The following PAPOLG variants were observed in gnomAD, a reference collection of about 807,000 sequenced individuals.
PAPOLG encodes PAP-gamma.
Under a neutral mutation model 99.0 loss-of-function variants are expected in PAPOLG, and 40 were observed. The observed-to-expected ratio is 0.40, with a 90% CI of 0.31 to 0.53. The LOEUF is 0.53. Ranked by LOEUF, PAPOLG falls within the 20% of genes least tolerant of loss-of-function variation. The probability of loss-of-function intolerance (pLI) is 0.41; values close to 1 mark genes in which losing one functional copy is unlikely to be tolerated. For missense variants in PAPOLG, 675 were observed against 884.1 expected (o/e 0.76, Z 3.00); for synonymous variants, 310 against 299.3 (o/e 1.04, Z -0.37).
Position 60,783,227 on chromosome 2 carries a change from A to G in PAPOLG, c.1166+18A>G, listed in dbSNP as rs779475434. 1 of 1,496,804 alleles carries G rather than the reference A, an allele frequency of 6.7e-7. No homozygotes were observed. The highest frequency in any genetic ancestry group is 2.4e-5 in the East Asian group (1 of 42,372). 92.7% of individuals were successfully genotyped at this position (1,496,804 alleles called of 1,614,324 possible). ...CTAGAGTGGTAAGACTTCTATTTCA[A>G]GTTTTCTACCTACTGTGTGGTGATA... is the stretch of plus-strand genomic sequence containing the variant. On this transcript the variant is annotated intron_variant, in intron 13 of 21. Coordinates refer to ENST00000238714, the MANE Select transcript of PAPOLG (RefSeq NM_022894.4).
chr2:60,793,872 C>T, intron 18 of PAPOLG, 99 bp from the exon 19 acceptor site: 1 of 1,429,454 alleles, frequency 7.0e-7, no homozygotes, highest in South Asian at 1.3e-5. Flanking sequence ...GATCAAGCCA[C>T]TGCACTGCAG....
intron 15 of PAPOLG, among the ~76,000 whole-genome samples, chr2:60,789,852 G>T (rs1483552357): frequency 1.3e-5 from 2 of 152,196 alleles, no homozygotes; most frequent in South Asian, 4.1e-4. Flanking sequence ...CACTTTGGGA[G>T]GCCAAGGCGG....
rs1015898104 is a variant in PAPOLG at position 60,756,283 on chromosome 2, G to C, written c.-196G>C. On this transcript the variant is annotated 5_prime_UTR_variant, in exon 1 of 22. Coordinates refer to ENST00000238714, the MANE Select transcript of PAPOLG (RefSeq NM_022894.4). The stretch of plus-strand genomic sequence containing the variant: ...GCGGCGCCATATTGGCGTCGGCCGC[G>C]CTGTATTGTCATAAATAGAGCCGGT... The C allele has an allele frequency of 3.1e-6, 2 of 649,516 alleles. No individual in the cohort carries two copies. The highest frequency in any genetic ancestry group is 5.4e-6 in the Non-Finnish European group (2 of 367,780). 40.2% of individuals were successfully genotyped at this position (649,516 alleles called of 1,614,324 possible).
intron 21 of PAPOLG, chr2:60,795,277 T>C (rs1413971899): frequency 1.7e-6 from 1 of 597,216 alleles, no homozygotes; most frequent in Non-Finnish European, 3.1e-6. Context: ...CCCTTTGTTT[T>C]TTATCTTTAA....
intron 21 of PAPOLG, among the ~76,000 whole-genome samples, chr2:60,795,811 G>A (rs1324271085): frequency 1.3e-5 from 2 of 152,090 alleles, no homozygotes; most frequent in African/African-American, 4.8e-5. Context: ...CAGGCTATTA[G>A]TTGTAGATTT....
At chr2:60,771,022 T>C (rs904854332) in intron 6 of PAPOLG, among the ~76,000 whole-genome samples, 10 of 152,142 alleles carry the variant, frequency 6.6e-5, no homozygotes, top group African/African-American at 1.4e-4. Context: ...TTCCTAGATA[T>C]GACATTTTTA....
intron 7 of PAPOLG, among the ~76,000 whole-genome samples, chr2:60,773,845 T>C (rs1670930562): frequency 6.6e-6 from 1 of 152,250 alleles, no homozygotes; most frequent in African/African-American, 2.4e-5. Context: ...ACAAATTTTG[T>C]CATTTGTTTT....
chr2:60,795,371 A>C, intron 21 of PAPOLG: 1 of 449,776 alleles, frequency 2.2e-6, no homozygotes, highest in Non-Finnish European at 4.3e-6. Context: ...CTTACTGCCA[A>C]AACATAGGTT....
Position 60,792,251 on chromosome 2 carries a change from G to A in PAPOLG, c.1641G>A (p.Ala547=), listed in dbSNP as rs72883805. The A allele has an allele frequency of 2.0e-3, 3,179 of 1,608,988 alleles. 74 individuals are homozygous for A. The African/African-American group carries it at 0.036, about 18-fold the overall frequency. The change falls in exon 17 of 22, where the codon GCG becomes GCA. Residue 547 remains alanine (A), a synonymous_variant. Coordinates refer to ENST00000238714, the MANE Select transcript of PAPOLG (RefSeq NM_022894.4). ...ATGGAACACCTTTTAATTCTCCAGC[G>A]TCCAAGTCTGATAGCCCTTCTGTAG... ...TDNGTPFNSP[A]SKSDSPSVGE...
rs554086118 is a variant in PAPOLG at position 60,768,996 on chromosome 2, G to A, written c.438+106G>A. The A allele has an allele frequency of 4.8e-6, 4 of 827,416 alleles. No individual in the cohort carries two copies. In the South Asian group the frequency reaches 8.5e-5, roughly 18 times the overall value. The allele number at this position is 827,416 out of a possible 1,614,324, so 51.3% of individuals were successfully genotyped here. ...AATACCTTCTAAGTTACTATTAGGA[G>A]GTATTTAATAAGAGTAGCTTTAATA... On this transcript the variant is annotated intron_variant, in intron 5 of 21. Transcript: ENST00000238714.
rs1248261316 is a variant in PAPOLG, at chr2:60,793,956, T to C, written c.1769-15T>C. On this transcript the variant is annotated splice_polypyrimidine_tract_variant and intron_variant, in intron 18 of 21. Transcript: ENST00000238714. ...ATAAATGTTTAATTATTAAAATCCT[T>C]TTTTTCCTTTTCAGAAGTTGACTCT... The C allele has an allele frequency of 6.3e-7, 1 of 1,595,730 alleles. No homozygotes were observed. The highest frequency in any genetic ancestry group is 8.5e-7 in the Non-Finnish European group (1 of 1,169,874).
chr2:60,790,931 A>C (rs572556545), intron 15 of PAPOLG, among the ~76,000 whole-genome samples: 57 of 152,204 alleles, frequency 3.7e-4, no homozygotes, highest in African/African-American at 1.4e-3. Context: ...TCTACAAAAA[A>C]TCCAAAAAGT....
chr2:60,800,760 T>C lies in PAPOLG; in HGVS notation c.*3600T>C, dbSNP rs1573267002. On this transcript the variant is annotated 3_prime_UTR_variant, in exon 22 of 22. Coordinates refer to ENST00000238714, the MANE Select transcript of PAPOLG (RefSeq NM_022894.4). ...TTTTTCTTGGGGAAAGTGCATAGTT[T>C]AGATCAGCTTCTCGAAGTGGCAAAA... 6.6e-6 allele frequency: 1 copy of C among 152,242 alleles called. No individual in the cohort carries two copies. The highest frequency in any genetic ancestry group is 2.1e-4 in the South Asian group (1 of 4,834). The allele number at this position is 152,242 out of a possible 1,614,324, so 9.4% of individuals were successfully genotyped here.
At chr2:60,783,324 CT>C (rs72172236) in intron 13 of PAPOLG, 115 bp downstream of exon 13, 4,561 of 157,686 alleles carry the variant, frequency 0.029, no homozygotes, top group East Asian at 0.053. Context: ...TATTATATCT[CT>C]TTTTTTTTTT....
In PAPOLG at chr2:60,792,211, C is replaced by T. The variant is rs777875889; in HGVS notation, c.1601C>T (p.Ser534Phe). Reference protein sequence around the residue: ...LSLDSSCLDSSRDTDNGTPFN... With the variant: ...LSLDSSCLDSFRDTDNGTPFN... Reference sequence around the variant, plus strand: ...CTGGATAGCAGTTGTCTGGATAGCTCCAGAGACACTGATAATGGAACACCT... The same window carrying T: ...CTGGATAGCAGTTGTCTGGATAGCTTCAGAGACACTGATAATGGAACACCT... Residue 534 changes from serine to phenylalanine, a missense_variant, in exon 17 of 22, where the codon TCC (serine) becomes TTC (phenylalanine). Transcript: ENST00000238714. The T allele has an allele frequency of 9.9e-6, 16 of 1,609,686 alleles. No individual in the cohort carries two copies. In the South Asian group the frequency reaches 1.0e-4, roughly 10 times the overall value.
At chr2:60,772,211 A>G (rs1171114897) in intron 7 of PAPOLG, among the ~76,000 whole-genome samples, 4 of 152,194 alleles carry the variant, frequency 2.6e-5, no homozygotes, top group African/African-American at 9.6e-5. Context: ...TGGGAGGCCA[A>G]GGTGAATGGA....
At chr2:60,776,846 C>T (rs1166645354) in intron 8 of PAPOLG, among the ~76,000 whole-genome samples, 1 of 152,180 alleles carries the variant, frequency 6.6e-6, no homozygotes, top group Non-Finnish European at 1.5e-5. Context: ...GCATCTTCTT[C>T]CAGTATAAGG....
chr2:60,777,555 C>T (rs1671058196), intron 8 of PAPOLG, among the ~76,000 whole-genome samples: 1 of 152,274 alleles, frequency 6.6e-6, no homozygotes, highest in African/African-American at 2.4e-5. Flanking sequence ...CTGTCAATAA[C>T]TTTTCCTTGG....
chr2:60,788,644 G>C, intron 15 of PAPOLG, among the ~76,000 whole-genome samples: 1 of 152,202 alleles, frequency 6.6e-6, no homozygotes, highest in East Asian at 1.9e-4. Context: ...TTAAAACAAA[G>C]AAAGGAAAGC....
Sources: gnomAD v4.1 joint callset for allele counts (sites outside exome capture counted in the v4.1 genomes callset) on GRCh38, gnomAD v4.1.1 for gene constraint, MANE v1.5 for transcripts, NCBI Gene and HGNC (gene_info 2026-07-23, HGNC 2026-07-21) for gene names.